SRP72: variants seen among roughly 807,000 people sequenced by gnomAD.
SRP72 encodes signal recognition particle subunit SRP72.
In SRP72, 49 loss-of-function variants were observed where a neutral mutation model predicts 96.3. The observed-to-expected ratio is 0.51, with a 90% confidence interval of 0.40 to 0.65. The LOEUF is 0.65. SRP72 is among the 30% of genes least tolerant of loss of function. The pLI is 0.00. For missense variants in SRP72, 736 were observed against 793.3 expected, an observed-to-expected ratio of 0.93 and a Z score of 0.87; for synonymous variants, 267 against 275.2, an observed-to-expected ratio of 0.97 and a Z score of 0.30.
intron 8 of SRP72, among the ~76,000 whole-genome samples, chr4:56,480,636 A>T (rs1327222290): frequency 6.6e-6 from 1 of 152,180 alleles, no homozygotes; most frequent in Non-Finnish European, 1.5e-5. Flanking sequence ...CTCAGTCTGA[A>T]CATAACTTAT....
chr4:56,472,829 G>A (rs1056020734), intron 3 of SRP72, among the ~76,000 whole-genome samples: 1 of 152,120 alleles, frequency 6.6e-6, no homozygotes, highest in African/African-American at 2.4e-5. Context: ...GTAAATTCTA[G>A]CATTTTGAGG....
intron 10 of SRP72, among the ~76,000 whole-genome samples, chr4:56,485,815 C>T (rs1005754932): frequency 2.0e-5 from 3 of 151,954 alleles, no homozygotes; most frequent in Admixed American, 2.0e-4. Context: ...AAAAAAAGCA[C>T]ATTTTGAGGT....
At chr4:56,493,726 C>T (rs969721913) in intron 16 of SRP72, among the ~76,000 whole-genome samples, 9 of 151,974 alleles carry the variant, frequency 5.9e-5, no homozygotes, top group African/African-American at 2.2e-4. Context: ...ATTAGCCGGG[C>T]GTAGTGACAC....
chr4:56,489,677 T>C (rs1720839780), intron 13 of SRP72, among the ~76,000 whole-genome samples, 194 bp downstream of exon 13: 1 of 152,170 alleles, frequency 6.6e-6, no homozygotes, highest in African/African-American at 2.4e-5. Flanking sequence ...GGCTGCAAAA[T>C]AGAAAAATAG....
intron 6 of SRP72, 124 bp from the exon 7 acceptor site, chr4:56,478,255 C>CT (rs1720330238): frequency 1.1e-6 from 1 of 920,772 alleles, no homozygotes; most frequent in African/African-American, 1.7e-5. Flanking sequence ...AGAACTGACT[C>CT]TAAGGGAAAA....
intron 1 of SRP72, among the ~76,000 whole-genome samples, chr4:56,468,846 T>C (rs1345865113): frequency 1.3e-5 from 2 of 152,216 alleles, no homozygotes; most frequent in African/African-American, 2.4e-5. Context: ...TCAGCAAAGA[T>C]TGTCAACTTG....
chr4:56,469,895 TC>T (rs142017318), intron 2 of SRP72, 122 bp downstream of exon 2: 5 of 963,366 alleles, frequency 5.2e-6, no homozygotes, highest in Non-Finnish European at 7.2e-6. Context: ...TTCCTTTTTT[TC>T]CCCCCTTTTG....
chr4:56,476,585 A>T, intron 5 of SRP72, 86 bp from the exon 6 acceptor site: 2 of 1,400,582 alleles, frequency 1.4e-6, no homozygotes, highest in Admixed American at 3.5e-5. Flanking sequence ...TCTTCTGCTT[A>T]GGAATTTAGA....
chr4:56,481,426 G>A (rs2110119891), intron 8 of SRP72, among the ~76,000 whole-genome samples: 1 of 152,202 alleles, frequency 6.6e-6, no homozygotes, highest in Non-Finnish European at 1.5e-5. Flanking sequence ...TTTTTTTGGA[G>A]ATGTATGTGA....
At chr4:56,499,136 T>C (rs578207669) in intron 17 of SRP72, among the ~76,000 whole-genome samples, 87 of 152,286 alleles carry the variant, frequency 5.7e-4, no homozygotes, top group African/African-American at 1.9e-3. Context: ...ATCTGATCTT[T>C]GACAAACCTG....
chr4:56,469,786 G>C lies in SRP72; in HGVS notation c.230+13G>C, dbSNP rs1195045668. On this transcript the variant is annotated intron_variant, in intron 2 of 18. Coordinates refer to ENST00000642900, the MANE Select transcript of SRP72 (RefSeq NM_006947.4). ...AAGTGTTAGCCAAGTAAGTGATTCAGTTAGTTGCTTGTACAGTTATTAGAA... is the reference window on the plus strand; with the variant it reads ...AAGTGTTAGCCAAGTAAGTGATTCACTTAGTTGCTTGTACAGTTATTAGAA... 1.9e-6 allele frequency: 3 copies of C among 1,600,618 alleles called. No homozygotes were observed. Among genetic ancestry groups the C allele is most frequent in the Non-Finnish European group, 2.6e-6 (3 of 1,169,986 alleles).
rs147504491 is a variant in SRP72, at chr4:56,503,078, C to T, written c.*1217C>T. On this transcript the variant is annotated 3_prime_UTR_variant, in exon 19 of 19. Coordinates refer to ENST00000642900, the MANE Select transcript of SRP72 (RefSeq NM_006947.4). ...CTCTGTCCTTGTTAATAAAGTGCTG[C>T]TGTGTTTGACTCTGAACATACTACC... 340 of 152,276 alleles carry T rather than the reference C, an allele frequency of 2.2e-3. 3 individuals carry two copies. Among genetic ancestry groups the T allele is most frequent in the African/African-American group, 8.0e-3 (332 of 41,552 alleles). 9.4% of individuals were successfully genotyped at this position (152,276 alleles called of 1,614,324 possible). A position where few individuals can be genotyped will look rare whatever the true frequency, so the allele number is the denominator to read the frequency against.
intron 17 of SRP72, among the ~76,000 whole-genome samples, chr4:56,496,883 G>A (rs1249515927): frequency 2.6e-5 from 4 of 152,044 alleles, no homozygotes; most frequent in Admixed American, 2.0e-4. Context: ...CAGCTACTTG[G>A]GAGGCTGAGG....
intron 3 of SRP72, among the ~76,000 whole-genome samples, chr4:56,473,356 G>A (rs1299368824): frequency 2.0e-5 from 3 of 151,906 alleles, no homozygotes; most frequent in Non-Finnish European, 2.9e-5. Flanking sequence ...TACTCGGGAG[G>A]CTGAGGCGGG....
rs759329103 is a variant in SRP72, at chr4:56,484,788, A to AGAT, written c.1010_1011insGAT (p.His337delinsGlnIle). ...AGTTTACAGTCCCAAAGTCCCGAGC[A>AGAT]TCTCTTACCTGTGTTAATCCAAGCT... On this transcript the variant is annotated protein_altering_variant, in exon 10 of 19. Transcript: ENST00000642900. The AGAT allele has an allele frequency of 6.2e-7, 1 of 1,614,086 alleles. No individual in the cohort carries two copies. The highest frequency in any genetic ancestry group is 8.5e-7 in the Non-Finnish European group (1 of 1,180,050).
chr4:56,481,186 A>G (rs1336368485), intron 8 of SRP72, among the ~76,000 whole-genome samples: 1 of 152,170 alleles, frequency 6.6e-6, no homozygotes, highest in African/African-American at 2.4e-5. Context: ...AGTAGTTTCA[A>G]ATTGGTTTGG....
chr4:56,491,691 C>G (rs1720913906), intron 16 of SRP72, 123 bp downstream of exon 16: 1 of 961,676 alleles, frequency 1.0e-6, no homozygotes, highest in East Asian at 2.6e-5. Flanking sequence ...TTTTCCATTT[C>G]TCTCACTGTG....
intron 11 of SRP72, 79 bp downstream of exon 11, chr4:56,486,476 T>A: frequency 8.4e-7 from 1 of 1,192,392 alleles, no homozygotes; most frequent in Non-Finnish European, 1.1e-6. Flanking sequence ...AACTATGTGA[T>A]TTTAAGTTTT....
At chr4:56,498,060 T>C (rs1721139588) in intron 17 of SRP72, among the ~76,000 whole-genome samples, 1 of 152,180 alleles carries the variant, frequency 6.6e-6, no homozygotes, top group Non-Finnish European at 1.5e-5. Flanking sequence ...TCCTCTATTA[T>C]ATAGTTTGTA....
Sources: allele counts gnomAD v4.1 joint callset (sites outside exome capture counted in the v4.1 genomes callset), GRCh38; gene constraint gnomAD v4.1.1; transcripts MANE v1.5; gene names NCBI Gene and HGNC (gene_info 2026-07-23, HGNC 2026-07-21).